Variants in FAF1 observed in about 807,000 individuals in gnomAD.
FAF1 encodes FAS-associated factor 1.
A neutral mutation model predicts 92.5 loss-of-function variants in FAF1; 25 were observed. The ratio of observed to expected loss-of-function variants is 0.27; its 90% CI spans 0.20 to 0.38. The LOEUF is 0.38. Ranked by LOEUF, FAF1 falls within the 10% of genes least tolerant of loss-of-function variation. The pLI, the probability that FAF1 is intolerant of heterozygous loss-of-function variation, is 1.00. For missense variants in FAF1, 636 were observed against 793.3 expected (o/e 0.80, Z 2.38); for synonymous variants, 234 against 273.2 (o/e 0.86, Z 1.42).
intron 1 of FAF1, among the ~76,000 whole-genome samples, chr1:50,930,288 T>C (rs935002501): frequency 6.6e-6 from 1 of 152,156 alleles, no homozygotes; most frequent in African/African-American, 2.4e-5. Context: ...GCAGGTGACC[T>C]CAGGAGAGTT....
At chr1:50,672,659 T>G (rs1484631573) in intron 7 of FAF1, among the ~76,000 whole-genome samples, 1 of 152,088 alleles carries the variant, frequency 6.6e-6, no homozygotes, top group African/African-American at 2.4e-5. Flanking sequence ...CTTAAGAAAG[T>G]AGAAAATATA....
chr1:50,857,596 G>A (rs1644399892), intron 2 of FAF1, among the ~76,000 whole-genome samples: 1 of 151,724 alleles, frequency 6.6e-6, no homozygotes, highest in Non-Finnish European at 1.5e-5. Flanking sequence ...AAGTGAGGGG[G>A]AAACATCAAA....
intron 8 of FAF1, among the ~76,000 whole-genome samples, chr1:50,653,033 A>G (rs1489670697): frequency 6.6e-6 from 1 of 152,204 alleles, no homozygotes; most frequent in African/African-American, 2.4e-5. Context: ...AAGTTCTTAG[A>G]CAATACTGAG....
intron 7 of FAF1, among the ~76,000 whole-genome samples, chr1:50,692,199 AAAC>A (rs1016244329): frequency 1.3e-4 from 20 of 151,144 alleles, no homozygotes; most frequent in African/African-American, 3.7e-4. Flanking sequence ...CTGGGTAAGA[AAAC>A]AACAACAACC....
chr1:50,797,014 T>C (rs1661777566), intron 3 of FAF1, among the ~76,000 whole-genome samples: 1 of 152,170 alleles, frequency 6.6e-6, no homozygotes, highest in African/African-American at 2.4e-5. Context: ...CACATGCCTG[T>C]AGTCCCAGCT....
intron 8 of FAF1, among the ~76,000 whole-genome samples, chr1:50,622,172 A>AT (rs1161374604): frequency 5.9e-5 from 9 of 151,728 alleles, no homozygotes; most frequent in African/African-American, 9.7e-5. Flanking sequence ...CTCAAAAAAA[A>AT]AAAAATAAAA....
At chr1:50,487,083 ATAACT>A (rs1283353543) in intron 17 of FAF1, among the ~76,000 whole-genome samples, 3 of 152,200 alleles carry the variant, frequency 2.0e-5, no homozygotes, top group Non-Finnish European at 4.4e-5. Context: ...ATTGTCACAC[ATAACT>A]TGCCATTGTC....
intron 7 of FAF1, among the ~76,000 whole-genome samples, chr1:50,666,689 C>T (rs937732541): frequency 6.6e-6 from 1 of 152,104 alleles, no homozygotes; most frequent in Non-Finnish European, 1.5e-5. Flanking sequence ...TTGAGACCAG[C>T]CTGGCCAACA....
intron 2 of FAF1, among the ~76,000 whole-genome samples, chr1:50,818,867 A>G (rs964643595): frequency 6.6e-6 from 1 of 152,086 alleles, no homozygotes. Flanking sequence ...AATCTTGGAG[A>G]TGGGACCCCA....
chr1:50,664,257 A>C (rs1478458765), intron 7 of FAF1, among the ~76,000 whole-genome samples: 1 of 150,820 alleles, frequency 6.6e-6, no homozygotes, highest in Non-Finnish European at 1.5e-5. Flanking sequence ...CAGCTTCCCA[A>C]AGTGCTGGGA....
At chr1:50,626,722 G>A (rs140934767) in intron 8 of FAF1, among the ~76,000 whole-genome samples, 1 of 152,204 alleles carries the variant, frequency 6.6e-6, no homozygotes, top group Non-Finnish European at 1.5e-5. Flanking sequence ...TTTAAAAAGT[G>A]TTATTCTGAT....
At chr1:50,729,300 C>T (rs978137734) in intron 6 of FAF1, among the ~76,000 whole-genome samples, 2 of 151,818 alleles carry the variant, frequency 1.3e-5, no homozygotes, top group East Asian at 3.9e-4. Context: ...GGTGATCCAC[C>T]TGCCTCGGCC....
intron 6 of FAF1, among the ~76,000 whole-genome samples, chr1:50,724,296 TACACACAC>T (rs974347882): frequency 5.6e-4 from 66 of 117,210 alleles, no homozygotes; most frequent in South Asian, 3.9e-3. Flanking sequence ...CACACACACA[TACACACAC>T]ACACACACAC....
At chr1:50,550,040 C>T (rs1649230355) in intron 13 of FAF1, among the ~76,000 whole-genome samples, 1 of 151,842 alleles carries the variant, frequency 6.6e-6, no homozygotes, top group Non-Finnish European at 1.5e-5. Context: ...CAACTATCAC[C>T]CTAATGGATA....
intron 3 of FAF1, among the ~76,000 whole-genome samples, chr1:50,789,912 G>C (rs1661502836): frequency 6.6e-6 from 1 of 152,074 alleles, no homozygotes; most frequent in Non-Finnish European, 1.5e-5. Context: ...GTTTCACAGA[G>C]GAACACAGGC....
chr1:50,861,027 A>T (rs1422534314), intron 1 of FAF1, among the ~76,000 whole-genome samples: 1 of 151,896 alleles, frequency 6.6e-6, no homozygotes, highest in Non-Finnish European at 1.5e-5. Flanking sequence ...TGAGAGCTAA[A>T]CATCAGGTAC....
intron 2 of FAF1, among the ~76,000 whole-genome samples, chr1:50,805,619 C>T (rs1478553195): frequency 6.6e-6 from 1 of 152,128 alleles, no homozygotes; most frequent in Non-Finnish European, 1.5e-5. Context: ...GATTACAAAA[C>T]AGTGGCATGT....
chr1:50,454,623 G>A (rs111592122), intron 18 of FAF1, among the ~76,000 whole-genome samples: 159 of 152,300 alleles, frequency 1.0e-3, no homozygotes, highest in African/African-American at 3.6e-3. Context: ...CTCAGACAAG[G>A]CAGTTGCCAA....
chr1:50,622,023 G>T (rs188823285), intron 8 of FAF1, among the ~76,000 whole-genome samples: 4 of 151,846 alleles, frequency 2.6e-5, no homozygotes, highest in Non-Finnish European at 5.9e-5. Flanking sequence ...AAAATTAGCC[G>T]GGCATGGTGG....
Sources: allele counts gnomAD v4.1 joint callset (sites outside exome capture counted in the v4.1 genomes callset), GRCh38; gene constraint gnomAD v4.1.1; transcripts MANE v1.5; gene names NCBI Gene and HGNC (gene_info 2026-07-23, HGNC 2026-07-21).